PCDHA3: variants seen among roughly 807,000 people sequenced by gnomAD.
PCDHA3 encodes the protein protocadherin alpha-3.
In PCDHA3, 41 loss-of-function variants were observed where a neutral mutation model predicts 62.2. The ratio of observed to expected loss-of-function variants is 0.66; its 90% CI spans 0.51 to 0.86. The LOEUF (loss-of-function observed/expected upper bound fraction) is 0.86, where lower values mean the gene tolerates loss of function less well. PCDHA3 is among the 40% of genes least tolerant of loss of function. PCDHA3 has a pLI of 0.00. For missense variants in PCDHA3, 1,304 were observed against 1,241.2 expected, an observed-to-expected ratio of 1.05 and a Z score of -0.76; for synonymous variants, 640 against 555.4, an observed-to-expected ratio of 1.15 and a Z score of -2.14.
rs2042755048 is a variant in PCDHA3 at position 140,853,453 on chromosome 5, C to A, written c.2394+49862C>A. ...CTTTCCTATTTTGCCTAATAGGTCTCCTTATATGCATCTGTAGTTAACATT... is the reference window on the plus strand; with the variant it reads ...CTTTCCTATTTTGCCTAATAGGTCTACTTATATGCATCTGTAGTTAACATT... On this transcript the variant is annotated intron_variant, in intron 1 of 3. Coordinates refer to ENST00000522353, the MANE Select transcript of PCDHA3 (RefSeq NM_018906.3). 4 of 976,644 alleles carry A rather than the reference C, an allele frequency of 4.1e-6. 1 individual carries two copies. The Admixed American group carries it at 2.5e-4, about 62-fold the overall frequency. 60.5% of individuals were successfully genotyped at this position (976,644 alleles called of 1,614,324 possible). A position where few individuals can be genotyped will look rare whatever the true frequency, so the allele number is the denominator to read the frequency against.
rs1205449386 is a variant in PCDHA3 at position 140,856,525 on chromosome 5, G to A, written c.2394+52934G>A. The A allele has an allele frequency of 2.5e-6, 4 of 1,598,294 alleles. 1 individual carries two copies. The highest frequency in any genetic ancestry group is 8.6e-7 in the Non-Finnish European group (1 of 1,167,878). On this transcript the variant is annotated intron_variant, in intron 1 of 3. Transcript: ENST00000522353. ...TTCCACTAGAAGGCGCATCTGATGC[G>A]GATGTTGGAGAGAACGCATTGCTTA... is the stretch of plus-strand genomic sequence containing the variant.
chr5:140,843,462 C>G (rs2150360645), intron 1 of PCDHA3: 5 of 1,596,046 alleles, frequency 3.1e-6, no homozygotes, highest in Non-Finnish European at 3.4e-6. Flanking sequence ...CTGGTGCTCA[C>G]GCTGCTGCTG....
Position 140,857,453 on chromosome 5 carries a change from C to A in PCDHA3, c.2394+53862C>A, listed in dbSNP as rs545328956. On this transcript the variant is annotated intron_variant, in intron 1 of 3. Coordinates refer to ENST00000522353, the MANE Select transcript of PCDHA3 (RefSeq NM_018906.3). ...GGTGTTCGTGAAGGAGAACAACCCG[C>A]CAGGCTGCCACATCTTCACGGTGTC... 1 of 1,598,604 alleles carries A rather than the reference C, an allele frequency of 6.3e-7. No individual in the cohort carries two copies. The highest frequency in any genetic ancestry group is 1.1e-5 in the South Asian group (1 of 90,558).
At chr5:140,835,721 C>T (rs2150243026) in intron 1 of PCDHA3, 10 of 1,613,816 alleles carry the variant, frequency 6.2e-6, no homozygotes, top group Non-Finnish European at 8.5e-6. Context: ...TGGAGGTGGC[C>T]GACGTGAACG....
intron 1 of PCDHA3, chr5:140,842,137 A>C (rs2150330187): frequency 1.2e-6 from 2 of 1,613,874 alleles, no homozygotes; most frequent in South Asian, 2.2e-5. Flanking sequence ...CGGATGAAGG[A>C]GCCAATGGGG....
Position 141,012,278 on chromosome 5 carries a change from G to T in PCDHA3, c.*2341G>T, listed in dbSNP as rs545417237. ...CTGTAAGGATAAAACACGTCATGTG[G>T]ATTCATTTTGAATTGGTGCTATTGG... On this transcript the variant is annotated 3_prime_UTR_variant, in exon 4 of 4. Coordinates refer to ENST00000522353, the MANE Select transcript of PCDHA3 (RefSeq NM_018906.3). The T allele has an allele frequency of 6.5e-6, 1 of 153,848 alleles. No individual in the cohort carries two copies. The highest frequency in any genetic ancestry group is 2.1e-4 in the South Asian group (1 of 4,826). The allele number at this position is 153,848 out of a possible 1,614,324, so 9.5% of individuals were successfully genotyped here.
At chr5:141,009,439 G>A (rs187486568) in intron 3 of PCDHA3, among the ~76,000 whole-genome samples, 188 bp from the exon 4 acceptor site, 1 of 152,244 alleles carries the variant, frequency 6.6e-6, no homozygotes, top group East Asian at 1.9e-4. Context: ...GGGAAATCCT[G>A]TCTCAAAAAA....
rs182357788 is a variant in PCDHA3, at chr5:140,944,436, C to T, written c.2395-34513C>T. Among the ~76,000 whole-genome samples, 220 of 152,278 alleles carry T rather than the reference C, an allele frequency of 1.4e-3. 1 individual carries two copies. Among genetic ancestry groups the T allele is most frequent in the African/African-American group, 4.9e-3 (204 of 41,560 alleles). The stretch of plus-strand genomic sequence containing the variant: ...TCCTGATCTGAAGTGGTCTGCCTGC[C>T]TCGGCCTCCCAAAGTGCTGGGATTA... On this transcript the variant is annotated intron_variant, in intron 1 of 3. Coordinates refer to ENST00000522353, the MANE Select transcript of PCDHA3 (RefSeq NM_018906.3).
intron 1 of PCDHA3, chr5:140,884,589 C>G: frequency 1.9e-6 from 3 of 1,614,146 alleles, no homozygotes; most frequent in Admixed American, 3.3e-5. Context: ...GCCTTCAGTC[C>G]CAGCCTTCCT....
rs2150142239 is a variant in PCDHA3, at chr5:140,826,022, G to A, written c.2394+22431G>A. 2.0e-4 allele frequency among the ~76,000 whole-genome samples: 31 copies of A among 152,292 alleles called. No individual in the cohort carries two copies. The East Asian group carries it at 2.1e-3, about 10-fold the overall frequency. On this transcript the variant is annotated intron_variant, in intron 1 of 3. Coordinates refer to ENST00000522353, the MANE Select transcript of PCDHA3 (RefSeq NM_018906.3). ...TAGTCCACACTTTACATGATAAAAT[G>A]TGAATTCCCTATTTCTGTTGCTTTG...
intron 1 of PCDHA3, chr5:140,883,262 G>A (rs1211665444): frequency 6.2e-7 from 1 of 1,613,838 alleles, no homozygotes; most frequent in Non-Finnish European, 8.5e-7. Context: ...TCCAATGGCG[G>A]GTCATTGTAC....
Position 140,965,562 on chromosome 5 carries a change from A to G in PCDHA3, c.2395-13387A>G, listed in dbSNP as rs548302746. 1.9e-4 allele frequency among the ~76,000 whole-genome samples: 29 copies of G among 152,242 alleles called. No homozygotes were observed. In the South Asian group the frequency reaches 6.0e-3, roughly 32 times the overall value. On this transcript the variant is annotated intron_variant, in intron 1 of 3. Coordinates refer to ENST00000522353, the MANE Select transcript of PCDHA3 (RefSeq NM_018906.3). ...AATTCCAGCCTGGCTTAGGAGATCA[A>G]CAGTAACGCTCTTGATTTAATGGTT...
intron 1 of PCDHA3, chr5:140,883,197 TC>T: frequency 6.2e-7 from 1 of 1,613,904 alleles, no homozygotes; most frequent in Admixed American, 1.7e-5. Context: ...AAACTAGATT[TC>T]GAAGAAAAGA....
intron 1 of PCDHA3, among the ~76,000 whole-genome samples, chr5:140,926,161 A>C (rs1205520517): frequency 6.6e-6 from 1 of 151,712 alleles, no homozygotes. Flanking sequence ...GCTCTGCAGC[A>C]GGATCCAGCG....
chr5:140,927,848 G>T (rs1295513512), intron 1 of PCDHA3: 2 of 1,614,180 alleles, frequency 1.2e-6, no homozygotes, highest in Middle Eastern at 3.3e-4. Context: ...GGTGTCTTTG[G>T]TTTAGCTAGC....
chr5:140,975,396 A>G (rs1366048936), intron 1 of PCDHA3, among the ~76,000 whole-genome samples: 2 of 152,248 alleles, frequency 1.3e-5, no homozygotes, highest in African/African-American at 4.8e-5. Flanking sequence ...GATCCATCAC[A>G]ATCACAGTCT....
At chr5:140,830,073 C>G (rs2150180623) in intron 1 of PCDHA3, 8 of 1,613,470 alleles carry the variant, frequency 5.0e-6, no homozygotes, top group African/African-American at 2.7e-5. Context: ...GCGCTGACAG[C>G]GACGGCCACG....
intron 1 of PCDHA3, chr5:140,850,077 C>T: frequency 6.3e-7 from 1 of 1,596,450 alleles, no homozygotes. Context: ...CCACGAGGAG[C>T]TGGAGCTGCT....
At position 140,829,922 on chromosome 5, in the gene PCDHA3, C is replaced by T. The variant is rs2150177863; in HGVS notation, c.2394+26331C>T. The T allele has an allele frequency of 3.7e-6, 6 of 1,614,010 alleles. No homozygotes were observed. The Middle Eastern group carries it at 5.0e-4, about 133-fold the overall frequency. On this transcript the variant is annotated intron_variant, in intron 1 of 3. Transcript: ENST00000522353. ...CTACAACGCGTGGCTTTCGTATGAG[C>T]TGCAGCCCCCGGCAAGCAGCGCTCG... is the stretch of plus-strand genomic sequence containing the variant.
Sources: allele counts gnomAD v4.1 joint callset (sites outside exome capture counted in the v4.1 genomes callset), GRCh38; gene constraint gnomAD v4.1.1; transcripts MANE v1.5; gene names NCBI Gene and HGNC (gene_info 2026-07-23, HGNC 2026-07-21).